CALB1: variants seen among roughly 807,000 people sequenced by gnomAD.
CALB1 encodes the protein calbindin.
A neutral mutation model predicts 46.7 loss-of-function variants in CALB1; 16 were observed. The ratio of observed to expected loss-of-function variants is 0.34; its 90% CI spans 0.23 to 0.52. CALB1 has a LOEUF of 0.52. Among genes scored for constraint, CALB1 ranks in the 20% least tolerant of loss-of-function variants. The pLI is 0.95. For synonymous variants in CALB1, 90 were observed against 112.8 expected, an observed-to-expected ratio of 0.80 and a Z score of 1.28; for missense variants, 224 against 300.3, an observed-to-expected ratio of 0.75 and a Z score of 1.88.
At chr8:90,065,757 T>C (rs1814383598) in intron 6 of CALB1, 141 bp downstream of exon 6, 2 of 600,282 alleles carry the variant, frequency 3.3e-6, no homozygotes, top group Non-Finnish European at 6.0e-6. Context: ...GTATTTCACT[T>C]TTCAAATGAA....
In CALB1 at chr8:90,060,008, A is replaced by C. The variant is rs1814264615; in HGVS notation, c.*165T>G. ...TATGGTTACAAAAACTGTATATTAC[A>C]AACAGTATAGAAACAAGCTGAAAAG... On this transcript the variant is annotated 3_prime_UTR_variant, in exon 11 of 11. Transcript: ENST00000265431. 2 of 563,018 alleles carry C rather than the reference A, an allele frequency of 3.6e-6. No homozygotes were observed. Among genetic ancestry groups the C allele is most frequent in the Non-Finnish European group, 6.3e-6 (2 of 316,260 alleles). The allele number at this position is 563,018 out of a possible 1,614,324, so 34.9% of individuals were successfully genotyped here. A position where few individuals can be genotyped will look rare whatever the true frequency, so the allele number is the denominator to read the frequency against.
At chr8:90,069,745 G>T (rs1814467399) in intron 3 of CALB1, among the ~76,000 whole-genome samples, 1 of 152,132 alleles carries the variant, frequency 6.6e-6, no homozygotes, top group Non-Finnish European at 1.5e-5. Context: ...CCTACCATGA[G>T]ATACAAGAGA....
rs1239446153 is a variant in CALB1 at position 90,069,308 on chromosome 8, G to A, written c.232-71C>T. The A allele has an allele frequency of 2.2e-5, 26 of 1,178,484 alleles. No individual in the cohort carries two copies. In the Middle Eastern group the frequency reaches 7.7e-4, roughly 35 times the overall value. 73.0% of individuals were successfully genotyped at this position (1,178,484 alleles called of 1,614,324 possible). On this transcript the variant is annotated intron_variant, in intron 3 of 10. Transcript: ENST00000265431. ...AAACAAGTCTCTGCCATTACCTGCTGCTTAGTTTTTCTTCAACGTGTTCCC... is the reference window on the plus strand; with the variant it reads ...AAACAAGTCTCTGCCATTACCTGCTACTTAGTTTTTCTTCAACGTGTTCCC...
chr8:90,059,747 T>C lies in CALB1; in HGVS notation c.*426A>G, dbSNP rs959679129. On this transcript the variant is annotated 3_prime_UTR_variant, in exon 11 of 11. Transcript: ENST00000265431. ...ATAGTTAGAAATAAGCTTAGAAATA[T>C]TTTGTGGGACAGTTCTATGGTTGTC... 4 of 156,422 alleles carry C rather than the reference T, an allele frequency of 2.6e-5. No homozygotes were observed. The highest frequency in any genetic ancestry group is 9.6e-5 in the African/African-American group (4 of 41,574). The allele number at this position is 156,422 out of a possible 1,614,324, so 9.7% of individuals were successfully genotyped here.
At chr8:90,078,271 T>C (rs1814655962) in intron 3 of CALB1, 102 bp downstream of exon 3, 1 of 684,690 alleles carries the variant, frequency 1.5e-6, no homozygotes, top group Non-Finnish European at 2.5e-6. Flanking sequence ...TAAAATAAAC[T>C]GTACTGAATG....
intron 1 of CALB1, 197 bp from the exon 2 acceptor site, chr8:90,082,299 A>T (rs2130257133): frequency 3.3e-6 from 2 of 610,570 alleles, no homozygotes; most frequent in African/African-American, 1.8e-5. Context: ...AGGACAAAGG[A>T]GGATGGTTGG....
intron 3 of CALB1, among the ~76,000 whole-genome samples, chr8:90,072,141 T>C (rs1341233598): frequency 1.3e-5 from 2 of 152,166 alleles, no homozygotes; most frequent in African/African-American, 4.8e-5. Flanking sequence ...TCTTTAAATA[T>C]TTTACATCTC....
rs375417234 is a variant in CALB1 at position 90,069,150 on chromosome 8, A to C, written c.315+4T>G. The C allele has an allele frequency of 6.2e-7, 1 of 1,613,778 alleles. No individual in the cohort carries two copies. On this transcript the variant is annotated splice_donor_region_variant and intron_variant, in intron 4 of 10. Transcript: ENST00000265431. ...GCTTTCTTAAAGGGGCAGCTTTCTT[A>C]TACCTTCATGAATTCCTCACAGGAC...
rs1011439463 is a variant in CALB1, at chr8:90,068,918, G to T, written c.372+80C>A. On this transcript the variant is annotated intron_variant, in intron 5 of 10. Transcript: ENST00000265431. ...TCAACATTAGTTTCTTTTGTGGGAG[G>T]TTTTTTAAAAAGCTAGGAAACTCTT... 2.3e-5 allele frequency: 24 copies of T among 1,032,084 alleles called. No homozygotes were observed. In the African/African-American group the frequency reaches 3.4e-4, roughly 15 times the overall value. The allele number at this position is 1,032,084 out of a possible 1,614,324, so 63.9% of individuals were successfully genotyped here.
At chr8:90,067,129 G>A (rs1233231797) in intron 5 of CALB1, among the ~76,000 whole-genome samples, 2 of 152,016 alleles carry the variant, frequency 1.3e-5, no homozygotes, top group Non-Finnish European at 2.9e-5. Context: ...GATTAATTGG[G>A]TTAAAAAGCC....
chr8:90,059,893 T>A lies in CALB1; in HGVS notation c.*280A>T. 1 of 299,384 alleles carries A rather than the reference T, an allele frequency of 3.3e-6. No homozygotes were observed. The highest frequency in any genetic ancestry group is 1.1e-4 in the South Asian group (1 of 8,894). 18.5% of individuals were successfully genotyped at this position (299,384 alleles called of 1,614,324 possible). On this transcript the variant is annotated 3_prime_UTR_variant, in exon 11 of 11. Coordinates refer to ENST00000265431, the MANE Select transcript of CALB1 (RefSeq NM_004929.4). Reference sequence around the variant, plus strand: ...TGGTGGAATTTTTAGGGAAATCTTGTTCAACTATATTTGTGAAAGCAAGAA... The same window carrying A: ...TGGTGGAATTTTTAGGGAAATCTTGATCAACTATATTTGTGAAAGCAAGAA...
intron 3 of CALB1, among the ~76,000 whole-genome samples, chr8:90,077,923 G>A (rs1417333652): frequency 6.6e-6 from 1 of 152,030 alleles, no homozygotes; most frequent in Non-Finnish European, 1.5e-5. Context: ...ATATTTCACA[G>A]GGACTGCAAA....
intron 3 of CALB1, among the ~76,000 whole-genome samples, chr8:90,070,977 C>T (rs1171950009): frequency 2.0e-5 from 3 of 151,904 alleles, no homozygotes; most frequent in Non-Finnish European, 4.4e-5. Context: ...TTCTATACCT[C>T]AGAAATAACA....
intron 3 of CALB1, among the ~76,000 whole-genome samples, chr8:90,073,201 G>GGA (rs950825436): frequency 6.6e-6 from 1 of 152,126 alleles, no homozygotes; most frequent in African/African-American, 2.4e-5. Context: ...AAGTTCCTTT[G>GGA]GAGATAATTC....
chr8:90,067,152 AAAAT>A (rs1814415374), intron 5 of CALB1, among the ~76,000 whole-genome samples: 1 of 152,138 alleles, frequency 6.6e-6, no homozygotes, highest in Admixed American at 6.6e-5. Flanking sequence ...ATCAGAGACT[AAAAT>A]GGTGGTCACA....
rs768793011 is a variant in CALB1, at chr8:90,060,335, AT to A, written c.673-50del. 1.1e-4 allele frequency: 115 copies of A among 1,088,060 alleles called. No homozygotes were observed. In the African/African-American group the frequency reaches 1.5e-3, roughly 14 times the overall value. 67.4% of individuals were successfully genotyped at this position (1,088,060 alleles called of 1,614,324 possible). Reference sequence around the variant, plus strand: ...GTAATCCAGTTAAATATGGAAGTTAATTAACCACTGTCAAGTGATAAAATGT... The same window carrying A: ...GTAATCCAGTTAAATATGGAAGTTAATAACCACTGTCAAGTGATAAAATGT... On this transcript the variant is annotated intron_variant, in intron 10 of 10. Coordinates refer to ENST00000265431, the MANE Select transcript of CALB1 (RefSeq NM_004929.4).
At chr8:90,082,482 G>A in intron 1 of CALB1, 137 bp downstream of exon 1, 1 of 734,974 alleles carries the variant, frequency 1.4e-6, no homozygotes, top group Non-Finnish European at 2.4e-6. Flanking sequence ...GAGATAAGAA[G>A]ATAAGATTAG....
Position 90,060,668 on chromosome 8 carries a change from C to T in CALB1, c.633G>A (p.Leu211=). 6.2e-7 allele frequency: 1 copy of T among 1,613,808 alleles called. No homozygotes were observed. The highest frequency in any genetic ancestry group is 8.5e-7 in the Non-Finnish European group (1 of 1,179,764). ...CGCACAGATCCTTCAGTAAAGCATCCAGTTCATTTTCATCTATGTATCCAT... is the reference window on the plus strand; with the variant it reads ...CGCACAGATCCTTCAGTAAAGCATCTAGTTCATTTTCATCTATGTATCCAT... ...DGNGYIDENE[L]DALLKDLCEK... is the part of the protein sequence containing the mutation. The change falls in exon 10 of 11, where the codon CTG becomes CTA. Residue 211 remains leucine (L), a synonymous_variant. Coordinates refer to ENST00000265431, the MANE Select transcript of CALB1 (RefSeq NM_004929.4).
In CALB1 at chr8:90,059,317, G is replaced by A. The variant is rs1814253579; in HGVS notation, c.*856C>T. 1 of 152,492 alleles carries A rather than the reference G, an allele frequency of 6.6e-6. No homozygotes were observed. The highest frequency in any genetic ancestry group is 1.5e-5 in the Non-Finnish European group (1 of 68,010). 9.4% of individuals were successfully genotyped at this position (152,492 alleles called of 1,614,324 possible). On this transcript the variant is annotated 3_prime_UTR_variant, in exon 11 of 11. Transcript: ENST00000265431. ...TCAGAGGCAGCAGATACCCTTGGTG[G>A]AAATGAACAGTTCTACATAGAAAGA...
Sources: gnomAD v4.1 joint callset for allele counts (sites outside exome capture counted in the v4.1 genomes callset) on GRCh38, gnomAD v4.1.1 for gene constraint, MANE v1.5 for transcripts, NCBI Gene and HGNC (gene_info 2026-07-23, HGNC 2026-07-21) for gene names.